Variants in GRM8 observed in about 807,000 individuals in gnomAD.
GRM8 encodes glutamate metabotropic receptor 8.
Under a neutral mutation model 87.2 loss-of-function variants are expected in GRM8, and 47 were observed. That is an observed-to-expected ratio of 0.54 (90% CI 0.43 to 0.69). The LOEUF is 0.69. Ranked by LOEUF, GRM8 falls within the 30% of genes least tolerant of loss-of-function variation. GRM8 has a pLI of 0.00. For synonymous variants in GRM8, 396 were observed against 404.5 expected (o/e 0.98, Z 0.25); for missense variants, 1,019 against 1,139.2 (o/e 0.89, Z 1.52).
intron 3 of GRM8, among the ~76,000 whole-genome samples, chr7:127,085,358 T>C (rs141165975): frequency 9.6e-4 from 146 of 152,340 alleles, no homozygotes; most frequent in African/African-American, 3.4e-3. Context: ...AAATAGTATT[T>C]CTAGTTGTAG....
At chr7:127,059,154 G>T (rs1047619989) in intron 3 of GRM8, among the ~76,000 whole-genome samples, 1 of 152,032 alleles carries the variant, frequency 6.6e-6, no homozygotes, top group Non-Finnish European at 1.5e-5. Flanking sequence ...TCCTATAGGG[G>T]AGAGAACATA....
At chr7:126,475,946 T>C (rs1805854238) in intron 9 of GRM8, among the ~76,000 whole-genome samples, 1 of 152,150 alleles carries the variant, frequency 6.6e-6, no homozygotes, top group Non-Finnish European at 1.5e-5. Context: ...TCTTATATCA[T>C]ACATAAAAAA....
intron 3 of GRM8, among the ~76,000 whole-genome samples, chr7:126,936,451 C>A (rs112875364): frequency 5.0e-4 from 76 of 152,106 alleles, no homozygotes; most frequent in Non-Finnish European, 8.2e-4. Flanking sequence ...TGACTCCCCC[C>A]ACTATCCGCT....
At chr7:126,957,368 C>T (rs1465748986) in intron 3 of GRM8, among the ~76,000 whole-genome samples, 1 of 152,210 alleles carries the variant, frequency 6.6e-6, no homozygotes, top group African/African-American at 2.4e-5. Flanking sequence ...GGGGAAGGCT[C>T]CGCAGGAATA....
intron 6 of GRM8, among the ~76,000 whole-genome samples, chr7:126,878,511 G>T (rs1204532): frequency 0.65 from 97,892 of 149,552 alleles, 32,648 homozygotes; most frequent in African/African-American, 0.78. Context: ...ATATATCGTC[G>T]TCTTCTTCTT....
At chr7:126,716,801 G>T (rs1811795490) in intron 7 of GRM8, among the ~76,000 whole-genome samples, 1 of 152,130 alleles carries the variant, frequency 6.6e-6, no homozygotes, top group Non-Finnish European at 1.5e-5. Flanking sequence ...AGAAAATGAA[G>T]AAATGGGAGT....
chr7:126,474,419 C>T (rs1287768239), intron 9 of GRM8, among the ~76,000 whole-genome samples: 4 of 152,148 alleles, frequency 2.6e-5, no homozygotes, highest in Non-Finnish European at 4.4e-5. Flanking sequence ...CAAGCATAGG[C>T]CACCATGCCT....
chr7:126,965,638 C>T (rs1181237107), intron 3 of GRM8, among the ~76,000 whole-genome samples: 1 of 152,058 alleles, frequency 6.6e-6, no homozygotes, highest in Non-Finnish European at 1.5e-5. Context: ...CTATTATTGA[C>T]TGGAGTTCCT....
chr7:126,882,652 A>G (rs1175059390), intron 6 of GRM8, among the ~76,000 whole-genome samples: 1 of 152,168 alleles, frequency 6.6e-6, no homozygotes, highest in East Asian at 1.9e-4. Flanking sequence ...ATAGATACAC[A>G]CATACATAAA....
Position 126,725,897 on chromosome 7 carries a change from C to T in GRM8, c.1357+43968G>A, listed in dbSNP as rs115930705. 5.5e-3 allele frequency among the ~76,000 whole-genome samples: 842 copies of T among 152,182 alleles called. 8 individuals are homozygous for T. The highest frequency in any genetic ancestry group is 0.019 in the African/African-American group (785 of 41,540). On this transcript the variant is annotated intron_variant, in intron 7 of 10. Transcript: ENST00000339582. ...ACCAGATATCCTGTGAACTCAAGAG[C>T]GAGAGCTCACGTGTTATCAAGGGGA...
chr7:127,245,295 T>C (rs1295157609), intron 1 of GRM8, among the ~76,000 whole-genome samples: 1 of 152,164 alleles, frequency 6.6e-6, no homozygotes, highest in Non-Finnish European at 1.5e-5. Flanking sequence ...TGAGACCAAT[T>C]CCACGTGGCT....
chr7:126,596,316 A>C (rs889678971), intron 8 of GRM8, among the ~76,000 whole-genome samples: 1 of 152,022 alleles, frequency 6.6e-6, no homozygotes. Context: ...CCTCACCAGC[A>C]CCTGCTTTTT....
At chr7:126,701,793 C>T (rs1809962850) in intron 7 of GRM8, 1 of 1,292,610 alleles carries the variant, frequency 7.7e-7, no homozygotes, top group African/African-American at 1.5e-5. Flanking sequence ...AAAGAGTTGG[C>T]CAGGGTAGAG....
At position 126,592,166 on chromosome 7, in the gene GRM8, C is replaced by T. The variant is rs188615976; in HGVS notation, c.1494+17196G>A. On this transcript the variant is annotated intron_variant, in intron 8 of 10. Coordinates refer to ENST00000339582, the MANE Select transcript of GRM8 (RefSeq NM_000845.3). ...GTCTCCCATCAAAAAAAAAAAAGCC[C>T]AGAACCTGATGGCTTCATTGCTGAA... Among the ~76,000 whole-genome samples the T allele has an allele frequency of 2.2e-3, 328 of 147,518 alleles. 1 individual carries two copies. Among genetic ancestry groups the T allele is most frequent in the African/African-American group, 7.4e-3 (300 of 40,304 alleles).
chr7:126,954,965 T>C (rs1246434282), intron 3 of GRM8, among the ~76,000 whole-genome samples: 1 of 152,202 alleles, frequency 6.6e-6, no homozygotes, highest in Non-Finnish European at 1.5e-5. Context: ...TGTAAGATTT[T>C]CCTGTAATCC....
At position 126,670,716 on chromosome 7, in the gene GRM8, A is replaced by G. The variant is rs370224682; in HGVS notation, c.1358-61218T>C. Among the ~76,000 whole-genome samples, 162 of 152,360 alleles carry G rather than the reference A, an allele frequency of 1.1e-3. 2 individuals carry two copies. Among genetic ancestry groups the G allele is most frequent in the African/African-American group, 3.7e-3 (156 of 41,600 alleles). Reference sequence around the variant, plus strand: ...GCTGAAATGTTCATGAATGTCAAGCAAAACAAGAGTTAAGTAAATGGACTG... The same window carrying G: ...GCTGAAATGTTCATGAATGTCAAGCGAAACAAGAGTTAAGTAAATGGACTG... On this transcript the variant is annotated intron_variant, in intron 7 of 10. Transcript: ENST00000339582.
At chr7:127,185,131 A>G (rs1028583441) in intron 2 of GRM8, among the ~76,000 whole-genome samples, 2 of 152,108 alleles carry the variant, frequency 1.3e-5, no homozygotes, top group African/African-American at 4.8e-5. Context: ...TTATCCATTT[A>G]AGTTTTAAAC....
Position 126,726,970 on chromosome 7 carries a change from C to G in GRM8, c.1357+42895G>C, listed in dbSNP as rs181989945. ...TACATATTCTTGATATATCATTTTC[C>G]TCTTTAATAAAATAAAATTCACCCA... On this transcript the variant is annotated intron_variant, in intron 7 of 10. Coordinates refer to ENST00000339582, the MANE Select transcript of GRM8 (RefSeq NM_000845.3). 9.9e-4 allele frequency among the ~76,000 whole-genome samples: 151 copies of G among 152,026 alleles called. 1 individual carries two copies. Among genetic ancestry groups the G allele is most frequent in the African/African-American group, 3.6e-3 (150 of 41,494 alleles).
At chr7:126,770,703 G>A (rs772526614) in intron 6 of GRM8, among the ~76,000 whole-genome samples, 3 of 151,986 alleles carry the variant, frequency 2.0e-5, no homozygotes, top group Non-Finnish European at 4.4e-5. Context: ...GGCATATTTA[G>A]GGCTGCTCAT....
Sources: allele counts gnomAD v4.1 joint callset (sites outside exome capture counted in the v4.1 genomes callset), GRCh38; gene constraint gnomAD v4.1.1; transcripts MANE v1.5; gene names NCBI Gene and HGNC (gene_info 2026-07-23, HGNC 2026-07-21).